Variants in EPC2 observed in about 807,000 individuals in gnomAD.
The protein encoded by EPC2 is enhancer of polycomb homolog 2.
A neutral mutation model predicts 92.1 loss-of-function variants in EPC2; 14 were observed. The ratio of observed to expected loss-of-function variants is 0.15; its 90% CI spans 0.10 to 0.24. The LOEUF is 0.24. Among genes scored for constraint, EPC2 ranks in the 10% least tolerant of loss-of-function variants. The probability of loss-of-function intolerance (pLI) is 1.00; values close to 1 mark genes in which losing one functional copy is unlikely to be tolerated. For synonymous variants in EPC2, 340 were observed against 334.7 expected (o/e 1.02, Z -0.17); for missense variants, 755 against 971.5 (o/e 0.78, Z 2.96).
chr2:148,731,252 A>G (rs1489699457), intron 2 of EPC2, among the ~76,000 whole-genome samples: 2 of 152,214 alleles, frequency 1.3e-5, no homozygotes, highest in African/African-American at 4.8e-5. Context: ...GGATAGACCA[A>G]AGAGATTTTA....
At chr2:148,728,675 A>AGCCATGATC (rs140536696) in intron 2 of EPC2, among the ~76,000 whole-genome samples, 22,546 of 150,596 alleles carry the variant, frequency 0.15, 2,475 homozygotes, top group East Asian at 0.45. Flanking sequence ...GGTTACAGTG[A>AGCCATGATC]GCCATGATCG....
chr2:148,771,200 G>C lies in EPC2; in HGVS notation c.1533G>C (p.Leu511=). 1.9e-6 allele frequency: 3 copies of C among 1,613,948 alleles called. No homozygotes were observed. In the South Asian group the frequency reaches 3.3e-5, roughly 18 times the overall value. ...NASSKHCENR[L]SLSEILSNIR... The stretch of plus-strand genomic sequence containing the variant: ...CCAGTAAACATTGTGAAAATAGACT[G>C]TCTCTTTCTGAAATATTAAGCAATA... The change falls in exon 10 of 14, where the codon CTG becomes CTC. Residue 511 remains leucine, a synonymous_variant. Coordinates refer to ENST00000258484, the MANE Select transcript of EPC2 (RefSeq NM_015630.4).
At chr2:148,681,151 G>A (rs1226157344) in intron 1 of EPC2, among the ~76,000 whole-genome samples, 2 of 152,230 alleles carry the variant, frequency 1.3e-5, no homozygotes, top group African/African-American at 4.8e-5. Flanking sequence ...CCACAGTCCA[G>A]TGGAAGAAGG....
intron 2 of EPC2, among the ~76,000 whole-genome samples, chr2:148,704,924 AT>A (rs747329790): frequency 2.1e-5 from 3 of 145,658 alleles, no homozygotes; most frequent in Non-Finnish European, 3.0e-5. Flanking sequence ...TTTTTTTCTA[AT>A]TTTGTTTGAG....
chr2:148,730,615 G>A (rs1478769743), intron 2 of EPC2, among the ~76,000 whole-genome samples: 8 of 152,176 alleles, frequency 5.3e-5, no homozygotes, highest in African/African-American at 1.9e-4. Context: ...TCTGGTGAGT[G>A]CTAGAGTTTG....
intron 10 of EPC2, among the ~76,000 whole-genome samples, chr2:148,778,260 G>A (rs1387030155): frequency 6.6e-6 from 1 of 152,144 alleles, no homozygotes; most frequent in Non-Finnish European, 1.5e-5. Flanking sequence ...CCCTAAGCAA[G>A]AGAAGCAGAG....
At chr2:148,651,984 A>G (rs1030207388) in intron 1 of EPC2, among the ~76,000 whole-genome samples, 1 of 152,196 alleles carries the variant, frequency 6.6e-6, no homozygotes, top group Non-Finnish European at 1.5e-5. Context: ...GTACTGCTTC[A>G]TCTGTAAAAT....
chr2:148,671,287 ATTTTTTTT>A (rs60048357), intron 1 of EPC2, among the ~76,000 whole-genome samples: 1 of 127,092 alleles, frequency 7.9e-6, no homozygotes, highest in African/African-American at 3.0e-5. Context: ...GTGGATTGTG[ATTTTTTTT>A]TTTTTTTTTT....
At chr2:148,778,677 G>A (rs1215281457) in intron 10 of EPC2, among the ~76,000 whole-genome samples, 1 of 151,990 alleles carries the variant, frequency 6.6e-6, no homozygotes, top group Non-Finnish European at 1.5e-5. Context: ...AGGATGTTTT[G>A]TATGTGTTCC....
chr2:148,700,319 T>C (rs1681846391), intron 2 of EPC2, among the ~76,000 whole-genome samples: 1 of 152,180 alleles, frequency 6.6e-6, no homozygotes, highest in African/African-American at 2.4e-5. Context: ...CCCTGAGATT[T>C]TCTCCAGTGT....
chr2:148,781,663 A>G lies in EPC2; in HGVS notation c.1740A>G (p.Glu580=). 6.2e-7 allele frequency: 1 copy of G among 1,613,542 alleles called. No individual in the cohort carries two copies. The highest frequency in any genetic ancestry group is 8.5e-7 in the Non-Finnish European group (1 of 1,179,766). The change falls in exon 11 of 14, where the codon GAA becomes GAG. Residue 580 remains glutamate (E), a synonymous_variant. Coordinates refer to ENST00000258484, the MANE Select transcript of EPC2 (RefSeq NM_015630.4). ...TACCAGTAACAGGGGGTATCACAGA[A>G]GAGCAGTTTCAGACACATCAGCAGC... ...NGISVTGGIT[E]EQFQTHQQQL... is the part of the protein sequence containing the mutation.
intron 6 of EPC2, 145 bp downstream of exon 6, chr2:148,762,947 T>C (rs1189285565): frequency 1.3e-6 from 1 of 787,542 alleles, no homozygotes; most frequent in African/African-American, 1.8e-5. Flanking sequence ...AGCACTTTGC[T>C]AGGAGTATTT....
chr2:148,647,518 G>A (rs1559136931), intron 1 of EPC2, among the ~76,000 whole-genome samples: 1 of 151,594 alleles, frequency 6.6e-6, no homozygotes, highest in Admixed American at 6.6e-5. Flanking sequence ...ATATTGGCCA[G>A]GCTGGTCTCA....
chr2:148,757,102 C>T (rs1683205563), intron 4 of EPC2, among the ~76,000 whole-genome samples: 2 of 152,170 alleles, frequency 1.3e-5, no homozygotes, highest in Admixed American at 6.5e-5. Context: ...TAGGGCTGGG[C>T]GTGGTGGCTC....
chr2:148,729,513 T>A (rs527713072), intron 2 of EPC2, among the ~76,000 whole-genome samples: 6 of 152,168 alleles, frequency 3.9e-5, no homozygotes, highest in Non-Finnish European at 8.8e-5. Flanking sequence ...CTCAGGATTG[T>A]TTTAGTTTAG....
intron 3 of EPC2, among the ~76,000 whole-genome samples, chr2:148,746,517 G>GT (rs1682987908): frequency 6.6e-6 from 1 of 152,070 alleles, no homozygotes; most frequent in African/African-American, 2.4e-5. Context: ...TTATCAAATT[G>GT]TTTGATTTAG....
intron 10 of EPC2, among the ~76,000 whole-genome samples, chr2:148,774,454 C>G (rs1006714594): frequency 6.6e-6 from 1 of 150,960 alleles, no homozygotes; most frequent in Non-Finnish European, 1.5e-5. Flanking sequence ...TGGCAAAACC[C>G]GGTTTCTACT....
intron 2 of EPC2, among the ~76,000 whole-genome samples, chr2:148,698,851 G>T: frequency 7.3e-6 from 1 of 136,950 alleles, no homozygotes; most frequent in African/African-American, 2.8e-5. Context: ...TAAAAAAAAA[G>T]CATTATACTC....
chr2:148,683,488 G>A (rs950098436), intron 1 of EPC2, among the ~76,000 whole-genome samples: 6 of 151,910 alleles, frequency 3.9e-5, no homozygotes, highest in East Asian at 3.9e-4. Flanking sequence ...GGATTGTCTC[G>A]ATCTCCTGAT....
Sources: gnomAD v4.1 joint callset for allele counts (sites outside exome capture counted in the v4.1 genomes callset) on GRCh38, gnomAD v4.1.1 for gene constraint, MANE v1.5 for transcripts, NCBI Gene and HGNC (gene_info 2026-07-23, HGNC 2026-07-21) for gene names.